The following ROBO1 variants were observed in gnomAD, a reference collection of about 807,000 sequenced individuals.
ROBO1 encodes the protein roundabout homolog 1.
A neutral mutation model predicts 195.9 loss-of-function variants in ROBO1; 149 were observed. The observed-to-expected ratio is 0.76, with a 90% CI of 0.67 to 0.87. ROBO1 has a LOEUF of 0.87. ROBO1 is among the 40% of genes least tolerant of loss of function. The pLI is 0.00. For missense variants in ROBO1, 1,933 were observed against 2,068.3 expected, an observed-to-expected ratio of 0.93 and a Z score of 1.27; for synonymous variants, 816 against 733.2, an observed-to-expected ratio of 1.11 and a Z score of -1.82.
intron 2 of ROBO1, among the ~76,000 whole-genome samples, chr3:79,570,206 A>T (rs1943233613): frequency 6.6e-6 from 1 of 152,144 alleles, no homozygotes; most frequent in Non-Finnish European, 1.5e-5. Context: ...TACCTCTAGG[A>T]AATTGAATTA....
At chr3:78,965,898 G>A (rs1215281073) in intron 3 of ROBO1, among the ~76,000 whole-genome samples, 1 of 152,124 alleles carries the variant, frequency 6.6e-6, no homozygotes, top group East Asian at 1.9e-4. Context: ...GTCACAGGAG[G>A]CTTTTGAATA....
chr3:78,981,863 C>A, intron 3 of ROBO1, among the ~76,000 whole-genome samples: 1 of 151,580 alleles, frequency 6.6e-6, no homozygotes, highest in African/African-American at 2.4e-5. Flanking sequence ...CCTAGAAATT[C>A]CTGAATCTGA....
chr3:79,694,413 C>T (rs1354602154), intron 1 of ROBO1, among the ~76,000 whole-genome samples: 4 of 151,760 alleles, frequency 2.6e-5, no homozygotes, highest in Non-Finnish European at 5.9e-5. Flanking sequence ...GTGATGTATG[C>T]TGTGAAAGGT....
chr3:79,032,303 T>C (rs2078310452), intron 3 of ROBO1, among the ~76,000 whole-genome samples: 1 of 152,050 alleles, frequency 6.6e-6, no homozygotes, highest in Admixed American at 6.6e-5. Context: ...TAAATTAGAT[T>C]TTTATCAAGA....
intron 3 of ROBO1, among the ~76,000 whole-genome samples, chr3:79,119,340 C>T (rs1010884692): frequency 6.6e-6 from 1 of 152,140 alleles, no homozygotes; most frequent in Non-Finnish European, 1.5e-5. Flanking sequence ...ATGTCTACTA[C>T]CTATTGTCCA....
At chr3:78,711,359 CTTCCTTCCT>C (rs2081706142) in intron 8 of ROBO1, among the ~76,000 whole-genome samples, 1 of 39,482 alleles carries the variant, frequency 2.5e-5, no homozygotes, top group Non-Finnish European at 4.4e-5. Context: ...TCCTTCCTTC[CTTCCTTCCT>C]TCCTTCCTTC....
chr3:79,214,905 G>A (rs186591867), intron 2 of ROBO1, among the ~76,000 whole-genome samples: 94 of 149,984 alleles, frequency 6.3e-4, no homozygotes, highest in Non-Finnish European at 1.2e-3. Context: ...ATCAAAAAAC[G>A]TCATTTTGTT....
chr3:79,279,044 C>A (rs961920927), intron 2 of ROBO1, among the ~76,000 whole-genome samples: 1 of 151,902 alleles, frequency 6.6e-6, no homozygotes, highest in African/African-American at 2.4e-5. Flanking sequence ...GGAGGCCAAG[C>A]AGGCAGATCA....
intron 1 of ROBO1, among the ~76,000 whole-genome samples, chr3:79,614,225 C>T (rs1396734718): frequency 6.6e-6 from 1 of 152,036 alleles, no homozygotes; most frequent in Non-Finnish European, 1.5e-5. Flanking sequence ...ATGACACATT[C>T]TGCAAGACAG....
intron 2 of ROBO1, among the ~76,000 whole-genome samples, chr3:79,541,320 T>G (rs1213745502): frequency 1.3e-5 from 2 of 152,076 alleles, no homozygotes; most frequent in African/African-American, 4.8e-5. Flanking sequence ...GATTTGACGT[T>G]GTTTCTGCTA....
intron 4 of ROBO1, among the ~76,000 whole-genome samples, chr3:78,786,013 C>A (rs1055765491): frequency 6.6e-6 from 1 of 152,070 alleles, no homozygotes; most frequent in African/African-American, 2.4e-5. Flanking sequence ...AACTCTCAAT[C>A]CATCAAGAGT....
chr3:79,145,614 A>G (rs907058335), intron 2 of ROBO1, among the ~76,000 whole-genome samples: 4 of 152,010 alleles, frequency 2.6e-5, no homozygotes, highest in Admixed American at 2.6e-4. Context: ...GTAAGATATG[A>G]CATAAGGAAA....
At position 78,742,392 on chromosome 3, in the gene ROBO1, T is replaced by TA. The variant is rs574243277; in HGVS notation, c.657+4350dup. On this transcript the variant is annotated intron_variant, in intron 5 of 30. Coordinates refer to ENST00000464233, the MANE Select transcript of ROBO1 (RefSeq NM_002941.4). ...TGTTTTAAGAATTTATTTTCACTATTAAAAAAAAAACTGGAAATAATGTCA... is the reference window on the plus strand; with the variant it reads ...TGTTTTAAGAATTTATTTTCACTATTAAAAAAAAAAACTGGAAATAATGTCA... Among the ~76,000 whole-genome samples, 620 of 148,876 alleles carry TA rather than the reference T, an allele frequency of 4.2e-3. 2 individuals are homozygous for TA. Among genetic ancestry groups the TA allele is most frequent in the African/African-American group, 0.011 (447 of 40,830 alleles).
chr3:79,125,265 A>T (rs770860132), intron 3 of ROBO1, among the ~76,000 whole-genome samples, 191 bp downstream of exon 3: 4 of 152,210 alleles, frequency 2.6e-5, no homozygotes, highest in Non-Finnish European at 5.9e-5. Flanking sequence ...TTCCATGTAC[A>T]TTTCTGTTCT....
At chr3:78,817,049 T>C (rs1036185497) in intron 4 of ROBO1, among the ~76,000 whole-genome samples, 1 of 152,106 alleles carries the variant, frequency 6.6e-6, no homozygotes, top group African/African-American at 2.4e-5. Flanking sequence ...GTGGCAAGGT[T>C]TGAGAGGGTT....
intron 2 of ROBO1, among the ~76,000 whole-genome samples, chr3:79,233,568 C>T (rs962999524): frequency 6.6e-5 from 10 of 152,108 alleles, no homozygotes; most frequent in African/African-American, 2.4e-4. Flanking sequence ...AAGTCCTTGA[C>T]TTTGCTTTCC....
chr3:79,144,638 A>AAATT (rs889540220), intron 2 of ROBO1, among the ~76,000 whole-genome samples: 16 of 152,034 alleles, frequency 1.1e-4, no homozygotes, highest in African/African-American at 3.9e-4. Flanking sequence ...AGAAACACTG[A>AAATT]AATTAGTTTT....
chr3:78,939,450 TAA>T (rs772177770), intron 3 of ROBO1, among the ~76,000 whole-genome samples: 33 of 129,044 alleles, frequency 2.6e-4, no homozygotes, highest in African/African-American at 2.6e-4. Flanking sequence ...CCGTCTCTAC[TAA>T]AAAAAAAAAA....
chr3:79,182,151 T>C (rs2081352651), intron 2 of ROBO1, among the ~76,000 whole-genome samples: 1 of 152,188 alleles, frequency 6.6e-6, no homozygotes, highest in African/African-American at 2.4e-5. Flanking sequence ...ATATTCACTA[T>C]TTTCATATGA....
Sources: gnomAD v4.1 joint callset for allele counts (sites outside exome capture counted in the v4.1 genomes callset) on GRCh38, gnomAD v4.1.1 for gene constraint, MANE v1.5 for transcripts, NCBI Gene and HGNC (gene_info 2026-07-23, HGNC 2026-07-21) for gene names.